Variants in NRXN1 observed in about 807,000 individuals in gnomAD.
NRXN1 encodes the protein neurexin-1.
NRXN1 carries 39 observed loss-of-function variants against 150.9 expected under a neutral mutation model. The observed-to-expected ratio is 0.26, with a 90% confidence interval of 0.20 to 0.34. NRXN1 has a LOEUF of 0.34. Ranked by LOEUF, NRXN1 falls within the 10% of genes least tolerant of loss-of-function variation. NRXN1 has a pLI of 1.00. For synonymous variants in NRXN1, 924 were observed against 757.0 expected (o/e 1.22, Z -3.62); for missense variants, 1,815 against 1,949.9 (o/e 0.93, Z 1.30).
In NRXN1 at chr2:50,828,673, CG is replaced by C. The variant is rs915000663; in HGVS notation, c.832+93195del. 4.0e-5 allele frequency among the ~76,000 whole-genome samples: 6 copies of C among 151,770 alleles called. No homozygotes were observed. In the South Asian group the frequency reaches 6.2e-4, roughly 16 times the overall value. The stretch of plus-strand genomic sequence containing the variant: ...ACTCCTCACTTCCTAGATGGGATGG[CG>C]GCCGGGAAGAGGTGCTCCTCACTTC... On this transcript the variant is annotated intron_variant, in intron 5 of 22. Transcript: ENST00000401669.
intron 2 of NRXN1, among the ~76,000 whole-genome samples, chr2:50,983,199 T>C (rs911006531): frequency 1.3e-5 from 2 of 152,126 alleles, no homozygotes; most frequent in Non-Finnish European, 2.9e-5. Flanking sequence ...TTAAATCTAA[T>C]TAAATGCTCT....
chr2:50,058,983 A>G (rs551600392), intron 19 of NRXN1, among the ~76,000 whole-genome samples: 28 of 152,274 alleles, frequency 1.8e-4, no homozygotes, highest in Non-Finnish European at 3.4e-4. Flanking sequence ...AGACTAATAT[A>G]GTAAATTAGT....
chr2:50,098,613 G>T (rs1193043627), intron 18 of NRXN1, among the ~76,000 whole-genome samples: 1 of 152,088 alleles, frequency 6.6e-6, no homozygotes, highest in Admixed American at 6.6e-5. Context: ...AAAGGTAAGT[G>T]CCATTGTCTC....
chr2:50,967,928 A>T (rs537525143), intron 2 of NRXN1, among the ~76,000 whole-genome samples: 1 of 152,196 alleles, frequency 6.6e-6, no homozygotes, highest in East Asian at 1.9e-4. Context: ...ATTTTGGCAT[A>T]GCATAGAGCT....
At chr2:50,586,065 C>A (rs1037268270) in intron 8 of NRXN1, among the ~76,000 whole-genome samples, 7 of 152,182 alleles carry the variant, frequency 4.6e-5, no homozygotes, top group African/African-American at 1.7e-4. Context: ...AATTGACTCC[C>A]ACTCTTACCT....
At chr2:50,699,002 T>C (rs1693352205) in intron 5 of NRXN1, among the ~76,000 whole-genome samples, 4 of 152,124 alleles carry the variant, frequency 2.6e-5, no homozygotes, top group African/African-American at 9.7e-5. Context: ...GACAATAGTA[T>C]TGTTAATTAT....
At chr2:50,417,997 A>G (rs967336300) in intron 17 of NRXN1, among the ~76,000 whole-genome samples, 5 of 152,072 alleles carry the variant, frequency 3.3e-5, no homozygotes, top group Non-Finnish European at 5.9e-5. Context: ...GCAGAAAAAT[A>G]AAATGACCAA....
At chr2:49,962,713 T>C (rs918995427) in intron 21 of NRXN1, among the ~76,000 whole-genome samples, 3 of 152,066 alleles carry the variant, frequency 2.0e-5, no homozygotes, top group Non-Finnish European at 4.4e-5. Flanking sequence ...TAAAACTGCA[T>C]AGAGGCCGGA....
At chr2:49,975,326 T>C (rs1295858708) in intron 21 of NRXN1, among the ~76,000 whole-genome samples, 2 of 152,074 alleles carry the variant, frequency 1.3e-5, no homozygotes, top group Non-Finnish European at 2.9e-5. Flanking sequence ...TTTCATACTA[T>C]TCATACATTT....
chr2:50,995,113 T>C (rs1206344764), intron 2 of NRXN1, among the ~76,000 whole-genome samples: 2 of 152,026 alleles, frequency 1.3e-5, no homozygotes, highest in African/African-American at 4.8e-5. Context: ...TTATTATTAA[T>C]TTCAGAGAGA....
intron 21 of NRXN1, among the ~76,000 whole-genome samples, chr2:50,009,259 C>T (rs1484457436): frequency 6.6e-6 from 1 of 152,130 alleles, no homozygotes; most frequent in South Asian, 2.1e-4. Flanking sequence ...ACAATCTCTG[C>T]AGTCACTAAG....
intron 17 of NRXN1, among the ~76,000 whole-genome samples, chr2:50,424,144 G>GAGA (rs1209251415): frequency 8.9e-6 from 1 of 111,990 alleles, no homozygotes; most frequent in Non-Finnish European, 1.9e-5. Context: ...GGAGGAGGAG[G>GAGA]GGGGGAGGAG....
At chr2:49,934,078 G>A (rs1670596718) in intron 22 of NRXN1, among the ~76,000 whole-genome samples, 1 of 152,092 alleles carries the variant, frequency 6.6e-6, no homozygotes, top group African/African-American at 2.4e-5. Context: ...GGCTCCTATG[G>A]TTGGAGTGAA....
At chr2:50,120,991 G>C (rs1703775639) in intron 18 of NRXN1, among the ~76,000 whole-genome samples, 1 of 152,182 alleles carries the variant, frequency 6.6e-6, no homozygotes, top group African/African-American at 2.4e-5. Context: ...CAATATGCCA[G>C]ACAATGTTTT....
intron 21 of NRXN1, among the ~76,000 whole-genome samples, chr2:50,011,495 G>C (rs570572247): frequency 1.8e-4 from 27 of 152,158 alleles, no homozygotes; most frequent in African/African-American, 6.3e-4. Context: ...ATCAGCAGTG[G>C]AATTATAACC....
intron 5 of NRXN1, among the ~76,000 whole-genome samples, chr2:50,655,087 T>G (rs758971912): frequency 6.6e-6 from 1 of 151,860 alleles, no homozygotes. Flanking sequence ...CAATATGCAG[T>G]TATGTGGCCA....
intron 8 of NRXN1, among the ~76,000 whole-genome samples, chr2:50,558,933 T>G (rs866852462): frequency 1.3e-4 from 20 of 151,746 alleles, no homozygotes; most frequent in Admixed American, 6.6e-4. Context: ...ATACAGAAAA[T>G]TAGCCGGGTG....
In NRXN1 at chr2:50,921,881, C is replaced by A; in HGVS notation, c.821-1G>T. 1 of 1,401,188 alleles carries A rather than the reference C, an allele frequency of 7.1e-7. No individual in the cohort carries two copies. The highest frequency in any genetic ancestry group is 9.6e-7 in the Non-Finnish European group (1 of 1,046,244). 86.8% of individuals were successfully genotyped at this position (1,401,188 alleles called of 1,614,324 possible). A position where few individuals can be genotyped will look rare whatever the true frequency, so the allele number is the denominator to read the frequency against. ...AATAATGTAATACCTTTACTTTTAC[C>A]TATGGATTTGATGAAATGGGTCCAT... On this transcript the variant is annotated splice_acceptor_variant, in intron 4 of 22. Coordinates refer to ENST00000401669, the MANE Select transcript of NRXN1 (RefSeq NM_001330078.2). LOFTEE classifies it high-confidence loss of function.
chr2:50,285,302 C>A (rs2071993715), intron 17 of NRXN1, among the ~76,000 whole-genome samples: 2 of 152,120 alleles, frequency 1.3e-5, no homozygotes, highest in Admixed American at 1.3e-4. Flanking sequence ...ATTTTCCAAT[C>A]CACTCATTCT....
Sources: allele counts gnomAD v4.1 joint callset (sites outside exome capture counted in the v4.1 genomes callset), GRCh38; gene constraint gnomAD v4.1.1; transcripts MANE v1.5; gene names NCBI Gene and HGNC (gene_info 2026-07-23, HGNC 2026-07-21).